Variants in AS3MT observed in about 807,000 individuals in gnomAD.
AS3MT encodes the protein S-adenosyl-L-methionine:arsenic(III) methyltransferase.
Under a neutral mutation model 45.3 loss-of-function variants are expected in AS3MT, and 47 were observed. The observed-to-expected ratio is 1.04, with a 90% CI of 0.82 to 1.32. The LOEUF (loss-of-function observed/expected upper bound fraction) is 1.32, where lower values mean the gene tolerates loss of function less well. Ranked by LOEUF, AS3MT falls within the 40% of genes most tolerant of loss-of-function variation. The probability of loss-of-function intolerance (pLI) is 0.00; values close to 1 mark genes in which losing one functional copy is unlikely to be tolerated. For synonymous variants in AS3MT, 141 were observed against 152.8 expected, an observed-to-expected ratio of 0.92 and a Z score of 0.57; for missense variants, 396 against 451.1, an observed-to-expected ratio of 0.88 and a Z score of 1.11.
Position 102,872,304 on chromosome 10 carries a change from A to C in AS3MT, c.171-144A>C, listed in dbSNP as rs564206995. Reference sequence around the variant, plus strand: ...GTGTCCAGTTCAGTGGAGACTAAACATCAGAAGTATGAGTGAATGATGCAA... The same window carrying C: ...GTGTCCAGTTCAGTGGAGACTAAACCTCAGAAGTATGAGTGAATGATGCAA... On this transcript the variant is annotated intron_variant, in intron 3 of 10. Coordinates refer to ENST00000369880, the MANE Select transcript of AS3MT (RefSeq NM_020682.4). 56 of 847,366 alleles carry C rather than the reference A, an allele frequency of 6.6e-5. 1 individual carries two copies. The African/African-American group carries it at 9.4e-4, about 14-fold the overall frequency. 52.5% of individuals were successfully genotyped at this position (847,366 alleles called of 1,614,324 possible). A position where few individuals can be genotyped will look rare whatever the true frequency, so the allele number is the denominator to read the frequency against.
chr10:102,879,981 G>A (rs12774047), intron 9 of AS3MT, among the ~76,000 whole-genome samples: 21,074 of 151,760 alleles, frequency 0.14, 1,656 homozygotes, highest in East Asian at 0.2. Context: ...TTCAGCATGC[G>A]TCCCATAGGA....
intron 10 of AS3MT, among the ~76,000 whole-genome samples, chr10:102,898,261 C>G (rs937859817): frequency 9.2e-5 from 14 of 152,178 alleles, no homozygotes; most frequent in Middle Eastern, 3.4e-3. Context: ...TCCTGATATG[C>G]AAAATGTATT....
intron 10 of AS3MT, 113 bp downstream of exon 10, chr10:102,890,791 A>C (rs1590228578): frequency 1.0e-6 from 1 of 958,798 alleles, no homozygotes; most frequent in Non-Finnish European, 1.5e-6. Flanking sequence ...GCTCACTGCA[A>C]CCTCCGCCTC....
At position 102,872,582 on chromosome 10, in the gene AS3MT, A is replaced by C; in HGVS notation, c.305A>C (p.Asp102Ala). ...VGEKGHVTGI[D>A]MTKGQVEVAE... The stretch of plus-strand genomic sequence containing the variant: ...GAAAAAGGACACGTGACTGGAATAG[A>C]CATGACCAAAGGCCAGGTGAGGCAT... Residue 102 changes from aspartate (D) to alanine (A), a missense_variant, in exon 4 of 11, where the codon GAC becomes GCC. By Grantham distance (126) the Asp-to-Ala change is moderately radical (BLOSUM62 -2). Transcript: ENST00000369880. The C allele has an allele frequency of 4.3e-6, 7 of 1,610,868 alleles. No individual in the cohort carries two copies. The highest frequency in any genetic ancestry group is 1.1e-5 in the South Asian group (1 of 90,534).
chr10:102,897,729 G>T (rs1812133646), intron 10 of AS3MT, among the ~76,000 whole-genome samples: 1 of 152,152 alleles, frequency 6.6e-6, no homozygotes, highest in South Asian at 2.1e-4. Context: ...GCCTCCCAAA[G>T]TGCTGGGATG....
At position 102,890,430 on chromosome 10, in the gene AS3MT, T is replaced by C. The variant is rs1028292823; in HGVS notation, c.886-114T>C. 6 of 760,542 alleles carry C rather than the reference T, an allele frequency of 7.9e-6. No homozygotes were observed. In the Admixed American group the frequency reaches 1.3e-4, roughly 17 times the overall value. The allele number at this position is 760,542 out of a possible 1,614,324, so 47.1% of individuals were successfully genotyped here. On this transcript the variant is annotated intron_variant, in intron 9 of 10. Coordinates refer to ENST00000369880, the MANE Select transcript of AS3MT (RefSeq NM_020682.4). ...TACTAATTTAAATTCCCACCAACAG[T>C]GTGTAAGGATTAGTGCTGGTGAGGA...
intron 6 of AS3MT, among the ~76,000 whole-genome samples, chr10:102,874,884 A>G (rs137888259): frequency 1.3e-5 from 2 of 152,252 alleles, no homozygotes; most frequent in African/African-American, 4.8e-5. Flanking sequence ...TTGTCACTGA[A>G]TGTGTTAAGG....
chr10:102,874,910 C>T (rs1446933125), intron 6 of AS3MT, among the ~76,000 whole-genome samples: 3 of 152,172 alleles, frequency 2.0e-5, no homozygotes, highest in African/African-American at 7.2e-5. Flanking sequence ...GCTTTCTTGA[C>T]TGTCTCTCCT....
chr10:102,880,938 A>T (rs973202443), intron 9 of AS3MT, among the ~76,000 whole-genome samples: 6 of 152,240 alleles, frequency 3.9e-5, no homozygotes, highest in Non-Finnish European at 5.9e-5. Context: ...CTGCTTTCTC[A>T]GTTCCTTAAA....
intron 9 of AS3MT, among the ~76,000 whole-genome samples, chr10:102,880,067 A>G (rs547820970): frequency 7.2e-5 from 11 of 152,324 alleles, no homozygotes; most frequent in African/African-American, 2.6e-4. Flanking sequence ...TCATTCAGAC[A>G]TTGGATTAAT....
rs1303752102 is a variant in AS3MT, at chr10:102,878,896, A to G, written c.790A>G (p.Lys264Glu). The G allele has an allele frequency of 1.2e-6, 2 of 1,614,156 alleles. No individual in the cohort carries two copies. Among genetic ancestry groups the G allele is most frequent in the Non-Finnish European group, 1.7e-6 (2 of 1,180,034 alleles). Residue 264 changes from lysine (K) to glutamate (E), a missense_variant, in exon 9 of 11, where the codon AAG becomes GAG. Lys to Glu is a moderately conservative substitution (Grantham distance 56, BLOSUM62 1). Coordinates refer to ENST00000369880, the MANE Select transcript of AS3MT (RefSeq NM_020682.4). ...SATFRLFKHS[K>E]TGPTKRCQVI... ...AACATTTCGCCTCTTCAAACACTCT[A>G]AGACAGGACCAACCAAGAGATGCCA... is the stretch of plus-strand genomic sequence containing the variant.
In AS3MT at chr10:102,875,921, T is replaced by A. The variant is rs555213904; in HGVS notation, c.529-1033T>A. Among the ~76,000 whole-genome samples, 123 of 151,792 alleles carry A rather than the reference T, an allele frequency of 8.1e-4. 1 individual carries two copies. Among genetic ancestry groups the A allele is most frequent in the African/African-American group, 2.7e-3 (111 of 41,304 alleles). On this transcript the variant is annotated intron_variant, in intron 6 of 10. Transcript: ENST00000369880. ...CATGAGCCGCTGTGCCTGGCCAAAA[T>A]TTTTTTTTAAATTGACAACAGATTT... is the stretch of plus-strand genomic sequence containing the variant.
chr10:102,900,760 C>A lies in AS3MT; in HGVS notation c.*60C>A. On this transcript the variant is annotated 3_prime_UTR_variant, in exon 11 of 11. Transcript: ENST00000369880. ...AAGAGTGATCTGCATGTTTTTTAAC[C>A]TGCTTTTCCCCATAGCACAGACCAT... 1 of 1,305,222 alleles carries A rather than the reference C, an allele frequency of 7.7e-7. No individual in the cohort carries two copies. The highest frequency in any genetic ancestry group is 1.1e-6 in the Non-Finnish European group (1 of 901,080). 80.9% of individuals were successfully genotyped at this position (1,305,222 alleles called of 1,614,324 possible). A position where few individuals can be genotyped will look rare whatever the true frequency, so the allele number is the denominator to read the frequency against.
Position 102,870,090 on chromosome 10 carries a change from T to C in AS3MT, c.49T>C (p.Tyr17His). 3 of 1,613,980 alleles carry C rather than the reference T, an allele frequency of 1.9e-6. No individual in the cohort carries two copies. Among genetic ancestry groups the C allele is most frequent in the South Asian group, 2.2e-5 (2 of 91,076 alleles). ...AEIQKDVQTY[Y>H]GQVLKRSADL... ...CTGTGGGACGCTGGGTCAGACCTAC[T>C]ACGGGCAGGTGCTGAAGAGATCGGC... Residue 17 changes from tyrosine (Y) to histidine (H), a missense_variant, in exon 3 of 11, where the codon TAC becomes CAC. By Grantham distance (83) the Tyr-to-His change is moderately conservative (BLOSUM62 2). Coordinates refer to ENST00000369880, the MANE Select transcript of AS3MT (RefSeq NM_020682.4).
intron 9 of AS3MT, among the ~76,000 whole-genome samples, chr10:102,882,401 A>T (rs994497596): frequency 6.6e-6 from 1 of 150,760 alleles, no homozygotes; most frequent in Admixed American, 6.6e-5. Context: ...TTTTTAATTT[A>T]AAAAATGTAT....
intron 9 of AS3MT, among the ~76,000 whole-genome samples, chr10:102,889,217 A>G (rs1845019373): frequency 6.6e-6 from 1 of 151,808 alleles, no homozygotes. Flanking sequence ...CCATTAATCA[A>G]CTTCTCTTTA....
rs767408033 is a variant in AS3MT at position 102,869,860 on chromosome 10, G to A, written c.42+15G>A. On this transcript the variant is annotated intron_variant, in intron 2 of 10. Coordinates refer to ENST00000369880, the MANE Select transcript of AS3MT (RefSeq NM_020682.4). ...AGGACGTGCAGGTGAGAGCTGTAGG[G>A]CCTGGAATGGCCCAAGTGGAGCCTA... is the stretch of plus-strand genomic sequence containing the variant. 1.9e-6 allele frequency: 3 copies of A among 1,613,648 alleles called. No homozygotes were observed. Among genetic ancestry groups the A allele is most frequent in the Middle Eastern group, 1.6e-4 (1 of 6,062 alleles).
At position 102,870,732 on chromosome 10, in the gene AS3MT, C is replaced by T. The variant is rs1844666415; in HGVS notation, c.170+521C>T. ...CCCTTCCTCACTCCATCAGCACTGC[C>T]TGCCCAGCCGGCAGTCACCAATTTG... On this transcript the variant is annotated intron_variant, in intron 3 of 10. Transcript: ENST00000369880. Among the ~76,000 whole-genome samples the T allele has an allele frequency of 2.6e-5, 4 of 152,270 alleles. No individual in the cohort carries two copies. The South Asian group carries it at 6.2e-4, about 24-fold the overall frequency.
intron 10 of AS3MT, among the ~76,000 whole-genome samples, chr10:102,898,212 C>T (rs1479638034): frequency 6.6e-6 from 1 of 151,706 alleles, no homozygotes; most frequent in African/African-American, 2.4e-5. Context: ...TACTTAACAT[C>T]TTGAGAGTCC....
Sources: gnomAD v4.1 joint callset for allele counts (sites outside exome capture counted in the v4.1 genomes callset) on GRCh38, gnomAD v4.1.1 for gene constraint, MANE v1.5 for transcripts, NCBI Gene and HGNC (gene_info 2026-07-23, HGNC 2026-07-21) for gene names.